The following VWF variants were observed in gnomAD, a reference collection of about 807,000 sequenced individuals.
VWF encodes the protein Factor VIII related antigen.
A neutral mutation model predicts 308.6 loss-of-function variants in VWF; 176 were observed. That is an observed-to-expected ratio of 0.57 (90% CI 0.50 to 0.65). The LOEUF is 0.65. VWF is among the 30% of genes least tolerant of loss of function. VWF has a pLI of 0.00. For missense variants in VWF, 3,146 were observed against 3,648.2 expected, an observed-to-expected ratio of 0.86 and a Z score of 3.55; for synonymous variants, 1,385 against 1,443.4, an observed-to-expected ratio of 0.96 and a Z score of 0.92.
rs117959631 is a variant in VWF at position 6,089,490 on chromosome 12, G to T, written c.657+5970C>A. On this transcript the variant is annotated intron_variant, in intron 6 of 51. Transcript: ENST00000261405. ...CCCAGGAGACAAAGCGAGTAGCTAG[G>T]GTACAGCTGGAGCCTCAGAAAGGTG... Among the ~76,000 whole-genome samples the T allele has an allele frequency of 2.6e-3, 399 of 152,202 alleles. 2 individuals are homozygous for T. The highest frequency in any genetic ancestry group is 4.2e-3 in the Non-Finnish European group (288 of 68,022).
intron 6 of VWF, among the ~76,000 whole-genome samples, chr12:6,092,433 C>T (rs1388520003): frequency 6.6e-6 from 1 of 151,994 alleles, no homozygotes; most frequent in Non-Finnish European, 1.5e-5. Context: ...GCTTCTGCCT[C>T]CCAGGTTCAA....
Position 6,092,620 on chromosome 12 carries a change from T to TGAGAGAGAGAGAGAGAGA in VWF, c.657+2839_657+2840insTCTCTCTCTCTCTCTCTC, listed in dbSNP as rs1250915385. ...CAGCTAGTTAGTGAGTGAGTGAGAG[T>TGAGAGAGAGAGAGAGAGA]GTGTGTGTGTGTGTGTGTGTGTGTG... On this transcript the variant is annotated intron_variant, in intron 6 of 51. Coordinates refer to ENST00000261405, the MANE Select transcript of VWF (RefSeq NM_000552.5). Among the ~76,000 whole-genome samples the TGAGAGAGAGAGAGAGAGA allele has an allele frequency of 5.2e-4, 47 of 89,694 alleles. 2 individuals carry two copies. The highest frequency in any genetic ancestry group is 2.3e-3 in the African/African-American group (39 of 16,792). 58.8% of individuals were successfully genotyped at this position (89,694 alleles called of 152,430 possible).
chr12:6,044,489 G>A (rs1309316182), intron 17 of VWF, 38 bp from the exon 18 acceptor site: 7 of 1,606,916 alleles, frequency 4.4e-6, no homozygotes, highest in Non-Finnish European at 6.0e-6. Context: ...ATTAGTGAAG[G>A]AGAGAATGGA....
chr12:5,981,697 G>A (rs1943607758), intron 42 of VWF, 89 bp downstream of exon 42: 2 of 1,409,802 alleles, frequency 1.4e-6, no homozygotes, highest in South Asian at 1.2e-5. Context: ...GTGGATGGAT[G>A]AATGGATGGG....
intron 43 of VWF, among the ~76,000 whole-genome samples, chr12:5,974,148 G>C (rs938682742): frequency 6.6e-6 from 1 of 152,120 alleles, no homozygotes; most frequent in African/African-American, 2.4e-5. Flanking sequence ...TCTGAGGTCG[G>C]ACCAGAGCTA....
In VWF at chr12:6,032,858, A is replaced by T. The variant is rs1006252454; in HGVS notation, c.2686-1280T>A. ...CTCACACATACACAGATGCACACAC[A>T]TACACCCATGTACTCATACACACAC... On this transcript the variant is annotated intron_variant, in intron 20 of 51. Coordinates refer to ENST00000261405, the MANE Select transcript of VWF (RefSeq NM_000552.5). Among the ~76,000 whole-genome samples, 3 of 135,962 alleles carry T rather than the reference A, an allele frequency of 2.2e-5. No individual in the cohort carries two copies. The South Asian group carries it at 7.7e-4, about 35-fold the overall frequency. The allele number at this position is 135,962 out of a possible 152,430, so 89.2% of individuals were successfully genotyped here.
rs2136413108 is a variant in VWF at position 6,019,317 on chromosome 12, T to A, written c.4101A>T (p.Gln1367His). ...CAGGGCGGTCGATCTTGCTGAAGAT[T>A]TGGAACAGTGTGTATTTCAAGACCT... Reference protein sequence around the residue: ...TSEVLKYTLFQIFSKIDRPEA... With the variant: ...TSEVLKYTLFHIFSKIDRPEA... The change falls in exon 28 of 52, where the codon CAA becomes CAT. Residue 1367 changes from glutamine to histidine, a missense_variant. Gln to His is a conservative substitution (Grantham distance 24). Coordinates refer to ENST00000261405, the MANE Select transcript of VWF (RefSeq NM_000552.5). This position sits in a 1 kb window ranked among gnomAD's most constrained non-coding sequence, Gnocchi z 5.8. The A allele has an allele frequency of 1.2e-6, 2 of 1,613,752 alleles. No homozygotes were observed. The highest frequency in any genetic ancestry group is 1.3e-5 in the African/African-American group (1 of 74,996).
chr12:6,091,655 T>C (rs1945035941), intron 6 of VWF, among the ~76,000 whole-genome samples: 1 of 152,134 alleles, frequency 6.6e-6, no homozygotes, highest in African/African-American at 2.4e-5. Context: ...GTGATCCTCC[T>C]GACTCAGCCT....
rs1944040639 is a variant in VWF at position 6,015,008 on chromosome 12, A to C, written c.5455+1081T>G. On this transcript the variant is annotated intron_variant, in intron 31 of 51. Coordinates refer to ENST00000261405, the MANE Select transcript of VWF (RefSeq NM_000552.5). ...GAAATTCCTCAATTCAGCTCTCCAG[A>C]AAGTTCTAGGAATTTGCAATGTGCT... Among the ~76,000 whole-genome samples, 8 of 152,234 alleles carry C rather than the reference A, an allele frequency of 5.3e-5. No individual in the cohort carries two copies. In the South Asian group the frequency reaches 1.2e-3, roughly 24 times the overall value.
chr12:6,110,816 G>C (rs763234189), intron 4 of VWF, 50 bp downstream of exon 4: 4 of 1,568,758 alleles, frequency 2.5e-6, no homozygotes, highest in Non-Finnish European at 3.5e-6. Context: ...TGAGGGGGTT[G>C]TGTCAGGGGA....
intron 10 of VWF, among the ~76,000 whole-genome samples, chr12:6,068,153 A>T (rs1944739473): frequency 6.6e-6 from 1 of 151,950 alleles, no homozygotes; most frequent in African/African-American, 2.4e-5. Flanking sequence ...AAAAAAAAAA[A>T]AATCCAGAAG....
chr12:5,976,003 G>A (rs1484437268), intron 43 of VWF, 108 bp downstream of exon 43: 89 of 1,463,614 alleles, frequency 6.1e-5, no homozygotes, highest in South Asian at 1.9e-4. Flanking sequence ...GCGACAGAGC[G>A]AGTCTCCATT....
At chr12:6,065,826 G>T (rs1032600640) in intron 10 of VWF, among the ~76,000 whole-genome samples, 1 of 152,222 alleles carries the variant, frequency 6.6e-6, no homozygotes, top group African/African-American at 2.4e-5. Context: ...GGGAGGGTGA[G>T]GCAGGACAGT....
At chr12:5,966,656 C>T (rs868398057) in intron 47 of VWF, among the ~76,000 whole-genome samples, 2 of 151,562 alleles carry the variant, frequency 1.3e-5, no homozygotes, top group Admixed American at 6.6e-5. Flanking sequence ...CTTGCTGCAG[C>T]CCCGACTGTC....
chr12:6,101,334 G>A (rs1945159027), intron 5 of VWF, among the ~76,000 whole-genome samples: 1 of 152,068 alleles, frequency 6.6e-6, no homozygotes, highest in East Asian at 1.9e-4. Context: ...TGAATGTGGA[G>A]CTGGGAAGAG....
chr12:5,997,660 A>G (rs1309853910), intron 34 of VWF, among the ~76,000 whole-genome samples: 3 of 152,222 alleles, frequency 2.0e-5, no homozygotes, highest in African/African-American at 7.2e-5. Flanking sequence ...TGCATGTTTA[A>G]CAAACAGATC....
chr12:6,070,356 C>T (rs538901554), intron 10 of VWF, among the ~76,000 whole-genome samples: 1 of 152,292 alleles, frequency 6.6e-6, no homozygotes, highest in South Asian at 2.1e-4. Flanking sequence ...CTTTAACTCA[C>T]AGACCCTAAA....
At chr12:6,045,781 T>C (rs906829500) in intron 17 of VWF, among the ~76,000 whole-genome samples, 2 of 152,212 alleles carry the variant, frequency 1.3e-5, no homozygotes, top group Non-Finnish European at 2.9e-5. Flanking sequence ...AGATTGAAGA[T>C]AGCCATTTAT....
At chr12:5,979,483 G>A (rs150461866) in intron 42 of VWF, among the ~76,000 whole-genome samples, 6 of 152,352 alleles carry the variant, frequency 3.9e-5, no homozygotes, top group African/African-American at 1.4e-4. Flanking sequence ...CAGGCATGGT[G>A]GCTGACGCCT....
Sources: gnomAD v4.1 joint callset for allele counts (sites outside exome capture counted in the v4.1 genomes callset) on GRCh38, gnomAD v4.1.1 for gene constraint, Gnocchi (gnomAD v3.1) non-coding constraint, MANE v1.5 for transcripts, NCBI Gene and HGNC (gene_info 2026-07-23, HGNC 2026-07-21) for gene names.